Variants in TET1 observed in about 807,000 individuals in gnomAD.
TET1 encodes the protein tet methylcytosine dioxygenase 1.
A neutral mutation model predicts 148.7 loss-of-function variants in TET1; 13 were observed. The ratio of observed to expected loss-of-function variants is 0.09; its 90% CI spans 0.06 to 0.14. TET1 has a LOEUF of 0.14. TET1 is among the 10% of genes least tolerant of loss of function. The pLI is 1.00. For synonymous variants in TET1, 907 were observed against 937.2 expected (o/e 0.97, Z 0.59); for missense variants, 2,182 against 2,553.8 (o/e 0.85, Z 3.14).
chr10:68,590,047 C>T (rs552914841), intron 2 of TET1, among the ~76,000 whole-genome samples: 135 of 152,284 alleles, frequency 8.9e-4, no homozygotes, highest in African/African-American at 3.0e-3. Context: ...TAATTAGTGG[C>T]AGCCATGGTT....
intron 3 of TET1, among the ~76,000 whole-genome samples, chr10:68,611,844 G>T (rs373688611): frequency 3.5e-5 from 5 of 142,606 alleles, no homozygotes; most frequent in Admixed American, 2.2e-4. Flanking sequence ...CGGGAGGTGG[G>T]GGGGGTGGGG....
At position 68,573,799 on chromosome 10, in the gene TET1, A is replaced by C. The variant is rs1232110025; in HGVS notation, c.1461A>C (p.Ser487=). 3 of 1,614,060 alleles carry C rather than the reference A, an allele frequency of 1.9e-6. No individual in the cohort carries two copies. Among genetic ancestry groups the C allele is most frequent in the Non-Finnish European group, 2.5e-6 (3 of 1,180,024 alleles). Residue 487 remains serine (S), a synonymous_variant, in exon 2 of 12, where the codon TCA becomes TCC. Transcript: ENST00000373644. ...PQSSSNSEKN[S]LPPVMAISNV... is the part of the protein sequence containing the mutation. The stretch of plus-strand genomic sequence containing the variant: ...CATCATCAAACTCAGAGAAAAATTC[A>C]TTACCTCCAGTAATGGCTATAAGCA...
In TET1 at chr10:68,687,193, G is replaced by A. The variant is rs567327436; in HGVS notation, c.5404+486G>A. 2.2e-3 allele frequency among the ~76,000 whole-genome samples: 274 copies of A among 126,950 alleles called. 4 individuals carry two copies. In the Admixed American group the frequency reaches 0.024, roughly 11 times the overall value. 83.3% of individuals were successfully genotyped at this position (126,950 alleles called of 152,430 possible). On this transcript the variant is annotated intron_variant, in intron 11 of 11. Coordinates refer to ENST00000373644, the MANE Select transcript of TET1 (RefSeq NM_030625.3). ...GCTGGGATTACAGGTGTGAGCCACC[G>A]CGCCCGGCCTACTTATCCTTTTTTA...
rs1397111075 is a variant in TET1 at position 68,595,928 on chromosome 10, A to G, written c.1915-5053A>G. On this transcript the variant is annotated intron_variant, in intron 2 of 11. Transcript: ENST00000373644. ...CTGCGCCCAGCCAAAACATATATAT[A>G]TATATATATATATATATATATATAT... Among the ~76,000 whole-genome samples the G allele has an allele frequency of 1.4e-3, 30 of 22,114 alleles. 1 individual carries two copies. Among genetic ancestry groups the G allele is most frequent in the African/African-American group, 3.3e-3 (30 of 9,084 alleles). The allele number at this position is 22,114 out of a possible 152,430, so 14.5% of individuals were successfully genotyped here. A position where few individuals can be genotyped will look rare whatever the true frequency, so the allele number is the denominator to read the frequency against.
intron 2 of TET1, among the ~76,000 whole-genome samples, chr10:68,579,613 A>C (rs1564951663): frequency 6.6e-6 from 1 of 152,248 alleles, no homozygotes; most frequent in African/African-American, 2.4e-5. Flanking sequence ...TGATTCTCCT[A>C]TCTAACTACA....
chr10:68,568,174 C>T (rs748741990), intron 1 of TET1, among the ~76,000 whole-genome samples: 17 of 150,688 alleles, frequency 1.1e-4, no homozygotes, highest in African/African-American at 3.2e-4. Context: ...CACTGCACTG[C>T]GCCCAGCCTT....
chr10:68,638,765 T>TTGTGTGTGTGTGTGTGTG (rs59106736), intron 3 of TET1, among the ~76,000 whole-genome samples: 1 of 140,824 alleles, frequency 7.1e-6, no homozygotes, highest in Non-Finnish European at 1.5e-5. Context: ...TGTATGGAGT[T>TTGTGTGTGTGTGTGTGTG]TGTGTGTGTG....
At chr10:68,682,239 G>A (rs1239681759) in intron 9 of TET1, among the ~76,000 whole-genome samples, 1 of 150,640 alleles carries the variant, frequency 6.6e-6, no homozygotes, top group African/African-American at 2.4e-5. Context: ...AGCCTCCCGA[G>A]TAGCTGGGAC....
At chr10:68,690,757 C>T in intron 11 of TET1, 51 bp from the exon 12 acceptor site, 4 of 1,507,740 alleles carry the variant, frequency 2.7e-6, no homozygotes, top group Non-Finnish European at 3.6e-6. Flanking sequence ...AAAAGGCAAC[C>T]CCTACCAAAA....
At chr10:68,575,104 C>A (rs1590161305) in intron 2 of TET1, among the ~76,000 whole-genome samples, 1 of 152,198 alleles carries the variant, frequency 6.6e-6, no homozygotes, top group South Asian at 2.1e-4. Context: ...GTATTGTAGG[C>A]CTGGTGTGGT....
chr10:68,615,283 CCTCT>C (rs905009376), intron 3 of TET1, among the ~76,000 whole-genome samples: 2 of 151,636 alleles, frequency 1.3e-5, no homozygotes, highest in African/African-American at 4.8e-5. Flanking sequence ...TCTTTTTTTT[CCTCT>C]CTCTCTCCAC....
At chr10:68,679,136 C>T (rs556228862) in intron 8 of TET1, among the ~76,000 whole-genome samples, 6 of 152,240 alleles carry the variant, frequency 3.9e-5, no homozygotes, top group Non-Finnish European at 5.9e-5. Flanking sequence ...GAGATTGTGC[C>T]GCTGCACTCA....
Position 68,644,929 on chromosome 10 carries a change from G to A in TET1, c.2200G>A (p.Glu734Lys), listed in dbSNP as rs1168479529. The change falls in exon 4 of 12, where the codon GAA (glutamate) becomes AAA (lysine). Residue 734 changes from glutamate to lysine, a missense_variant. Around this residue, in one of 11 missense-constraint regions of TET1, gnomAD observed 226 missense variants for 307.4 expected, o/e 0.74. Coordinates refer to ENST00000373644, the MANE Select transcript of TET1 (RefSeq NM_030625.3). ...GDFSANVPEAEKSKNSEVDKK... is the reference protein window; with the variant it reads ...GDFSANVPEAKKSKNSEVDKK... Reference sequence around the variant, plus strand: ...TTTTAGTGCTAATGTCCCAGAAGCTGAAAAATCGAAAAACTCTGAAGTTGA... The same window carrying A: ...TTTTAGTGCTAATGTCCCAGAAGCTAAAAAATCGAAAAACTCTGAAGTTGA... 2 of 1,611,328 alleles carry A rather than the reference G, an allele frequency of 1.2e-6. No individual in the cohort carries two copies. The highest frequency in any genetic ancestry group is 4.5e-5 in the East Asian group (2 of 44,838).
chr10:68,667,298 T>G, intron 7 of TET1, 42 bp downstream of exon 7: 28 of 1,493,736 alleles, frequency 1.9e-5, no homozygotes, highest in Non-Finnish European at 2.5e-5. Flanking sequence ...TTCAGATCTC[T>G]ATTACATATT....
rs140489520 is a variant in TET1, at chr10:68,630,992, C to G, written c.1969-13706C>G. 1.6e-4 allele frequency among the ~76,000 whole-genome samples: 25 copies of G among 151,958 alleles called. No homozygotes were observed. In the East Asian group the frequency reaches 4.5e-3, roughly 27 times the overall value. Reference sequence around the variant, plus strand: ...AGGAGTTTGAGACCAGCGTGGGCAACATAATGAGACCTTGTCTCTACAAAA... The same window carrying G: ...AGGAGTTTGAGACCAGCGTGGGCAAGATAATGAGACCTTGTCTCTACAAAA... On this transcript the variant is annotated intron_variant, in intron 3 of 11. Transcript: ENST00000373644.
At chr10:68,599,046 G>C (rs1173368527) in intron 2 of TET1, among the ~76,000 whole-genome samples, 1 of 152,134 alleles carries the variant, frequency 6.6e-6, no homozygotes, top group Non-Finnish European at 1.5e-5. Flanking sequence ...GTGAGTGAGA[G>C]GTAATTTAAA....
intron 3 of TET1, among the ~76,000 whole-genome samples, chr10:68,612,457 G>A (rs1306341835): frequency 6.6e-6 from 1 of 152,082 alleles, no homozygotes. Context: ...AGTGTGGGAG[G>A]CTAAGTTTGG....
At chr10:68,673,903 A>C (rs950413693) in intron 8 of TET1, among the ~76,000 whole-genome samples, 1 of 150,388 alleles carries the variant, frequency 6.6e-6, no homozygotes, top group African/African-American at 2.4e-5. Flanking sequence ...AGTCTATGAT[A>C]CATCATTTTT....
intron 3 of TET1, among the ~76,000 whole-genome samples, chr10:68,640,753 A>G (rs7100744): frequency 0.18 from 27,716 of 150,192 alleles, 2,695 homozygotes; most frequent in African/African-American, 0.25. Context: ...GGATTTCACC[A>G]TGTTAGCCAG....
Sources: allele counts gnomAD v4.1 joint callset (sites outside exome capture counted in the v4.1 genomes callset), GRCh38; gene constraint gnomAD v4.1.1; regional missense constraint gnomAD v4.1.1; transcripts MANE v1.5; gene names NCBI Gene and HGNC (gene_info 2026-07-23, HGNC 2026-07-21).